PCDHA4: variants seen among roughly 807,000 people sequenced by gnomAD.
The protein encoded by PCDHA4 is protocadherin alpha-4.
A neutral mutation model predicts 61.4 loss-of-function variants in PCDHA4; 49 were observed. That is an observed-to-expected ratio of 0.80 (90% CI 0.63 to 1.01). The LOEUF (loss-of-function observed/expected upper bound fraction) is 1.01, where lower values mean the gene tolerates loss of function less well. Among genes scored for constraint, PCDHA4 ranks in the 50% least tolerant of loss-of-function variants. The pLI is 0.00. For missense variants in PCDHA4, 1,254 were observed against 1,235.8 expected, an observed-to-expected ratio of 1.01 and a Z score of -0.22; for synonymous variants, 590 against 550.3, an observed-to-expected ratio of 1.07 and a Z score of -1.01.
chr5:140,856,877 A>G, intron 1 of PCDHA4: 1 of 1,595,914 alleles, frequency 6.3e-7, no homozygotes, highest in Non-Finnish European at 8.6e-7. Flanking sequence ...CAAGGAAATG[A>G]TGTATTCATT....
At chr5:140,860,807 G>C (rs907238053) in intron 1 of PCDHA4, 3 of 152,116 alleles carry the variant, frequency 2.0e-5, no homozygotes. Context: ...GCACGATCTC[G>C]GCTCACTGCA....
chr5:140,823,543 G>A (rs2150126800), intron 1 of PCDHA4: 1 of 1,613,868 alleles, frequency 6.2e-7, no homozygotes, highest in Admixed American at 1.7e-5. Flanking sequence ...GGGCCACGTG[G>A]TGGCGAAGGT....
At chr5:140,997,656 T>G (rs2153947694) in intron 3 of PCDHA4, among the ~76,000 whole-genome samples, 1 of 149,610 alleles carries the variant, frequency 6.7e-6, no homozygotes. Flanking sequence ...GCAATATGTA[T>G]TATTATACAG....
intron 1 of PCDHA4, chr5:140,927,936 A>G: frequency 6.2e-7 from 1 of 1,614,246 alleles, no homozygotes; most frequent in East Asian, 2.2e-5. Context: ...TTTCGAACCC[A>G]GTACCTGAGG....
intron 1 of PCDHA4, chr5:140,969,308 A>G (rs782412499): frequency 1.9e-6 from 3 of 1,614,196 alleles, no homozygotes; most frequent in Middle Eastern, 3.3e-4. Context: ...TATTCTCAAA[A>G]ATGAGGCTGT....
intron 1 of PCDHA4, among the ~76,000 whole-genome samples, chr5:140,902,447 G>A (rs1004773008): frequency 2.6e-5 from 4 of 152,024 alleles, no homozygotes; most frequent in Non-Finnish European, 4.4e-5. Flanking sequence ...TCATATTCTA[G>A]ATCCTAGAGA....
chr5:140,868,956 C>T (rs2050758654), intron 1 of PCDHA4: 9 of 1,367,630 alleles, frequency 6.6e-6, no homozygotes, highest in Non-Finnish European at 7.9e-6. Flanking sequence ...GAGGCACTCC[C>T]ATACAAAGGA....
chr5:140,860,498 A>G (rs1440089357), intron 1 of PCDHA4: 3 of 152,224 alleles, frequency 2.0e-5, no homozygotes, highest in Non-Finnish European at 4.4e-5. Flanking sequence ...GGATGTCTAC[A>G]TACAAGATAA....
chr5:140,994,394 T>C (rs1332946220), intron 3 of PCDHA4, among the ~76,000 whole-genome samples: 1 of 152,110 alleles, frequency 6.6e-6, no homozygotes, highest in African/African-American at 2.4e-5. Flanking sequence ...AGTCAGAGAT[T>C]ATTTGACATT....
intron 1 of PCDHA4, among the ~76,000 whole-genome samples, chr5:140,894,240 ATTTTC>A (rs2064382890): frequency 6.6e-6 from 1 of 151,828 alleles, no homozygotes; most frequent in African/African-American, 2.4e-5. Flanking sequence ...TGACAATGTA[ATTTTC>A]TTTTCTTTAC....
chr5:140,856,611 A>T (rs782801357), intron 1 of PCDHA4: 2 of 1,598,100 alleles, frequency 1.3e-6, no homozygotes, highest in Non-Finnish European at 1.7e-6. Context: ...AAAGACAAAG[A>T]CAAATTCCCA....
Position 140,834,771 on chromosome 5 carries a change from C to A in PCDHA4, c.2385+25199C>A, listed in dbSNP as rs2150226115. 3 of 1,613,992 alleles carry A rather than the reference C, an allele frequency of 1.9e-6. No individual in the cohort carries two copies. In the South Asian group the frequency reaches 3.3e-5, roughly 18 times the overall value. On this transcript the variant is annotated intron_variant, in intron 1 of 3. Transcript: ENST00000530339. ...GGAGGTGAAGGACATTAACGACAAC[C>A]CTCCGGTGTTCCCAGCGACACAAAG...
intron 1 of PCDHA4, chr5:140,853,385 A>C (rs2042733783): frequency 3.0e-6 from 3 of 986,050 alleles, no homozygotes; most frequent in Non-Finnish European, 3.7e-6. Flanking sequence ...AATTCAAAAC[A>C]GCCTGTCAAG....
rs377755323 is a variant in PCDHA4 at position 140,870,200 on chromosome 5, C to T, written c.2385+60628C>T. Reference sequence around the variant, plus strand: ...GTACGAGAGGACGCTCAGCCCAGCACGGTCATTGCCCTGATCAGCGTGTCT... The same window carrying T: ...GTACGAGAGGACGCTCAGCCCAGCATGGTCATTGCCCTGATCAGCGTGTCT... On this transcript the variant is annotated intron_variant, in intron 1 of 3. Transcript: ENST00000530339. 7 of 1,614,172 alleles carry T rather than the reference C, an allele frequency of 4.3e-6. No homozygotes were observed. The African/African-American group carries it at 5.3e-5, about 12-fold the overall frequency.
At chr5:140,990,011 G>T (rs1246081885) in intron 3 of PCDHA4, among the ~76,000 whole-genome samples, 1 of 152,074 alleles carries the variant, frequency 6.6e-6, no homozygotes, top group Non-Finnish European at 1.5e-5. Context: ...CAAGGGCGTG[G>T]GCTAGGCAAA....
At chr5:140,940,528 A>G (rs1190387049) in intron 1 of PCDHA4, among the ~76,000 whole-genome samples, 6 of 152,156 alleles carry the variant, frequency 3.9e-5, no homozygotes, top group African/African-American at 1.4e-4. Flanking sequence ...AGCTCACTGC[A>G]ATCTTGAATT....
At chr5:140,939,897 T>G (rs1563176465) in intron 1 of PCDHA4, among the ~76,000 whole-genome samples, 1 of 152,230 alleles carries the variant, frequency 6.6e-6, no homozygotes. Flanking sequence ...TCAAATATTC[T>G]GCATTCTTTT....
intron 3 of PCDHA4, among the ~76,000 whole-genome samples, chr5:141,004,011 CT>C (rs1220756747): frequency 2.6e-4 from 40 of 152,200 alleles, no homozygotes; most frequent in African/African-American, 9.4e-4. Context: ...GGAGGCAGCA[CT>C]GAAAGAAGAA....
intron 1 of PCDHA4, chr5:140,927,374 ACAGCCTAAGCCCCAGT>A: frequency 6.2e-7 from 1 of 1,614,100 alleles, no homozygotes; most frequent in Non-Finnish European, 8.5e-7. Flanking sequence ...ATACTAAGCT[ACAGCCTAAGCCCCAGT>A]CAGCACTTTC....
Sources: gnomAD v4.1 joint callset for allele counts (sites outside exome capture counted in the v4.1 genomes callset) on GRCh38, gnomAD v4.1.1 for gene constraint, MANE v1.5 for transcripts, NCBI Gene and HGNC (gene_info 2026-07-23, HGNC 2026-07-21) for gene names.